Variants in EIF4EBP2 observed in about 807,000 individuals in gnomAD.
EIF4EBP2 encodes eukaryotic translation initiation factor 4E binding protein 2, also known as eukaryotic translation initiation factor 4E-binding protein 2.
EIF4EBP2 carries 5 observed loss-of-function variants against 10.3 expected under a neutral mutation model. The ratio of observed to expected loss-of-function variants is 0.48; its 90% CI spans 0.25 to 1.02. The LOEUF (loss-of-function observed/expected upper bound fraction) is 1.02, where lower values mean the gene tolerates loss of function less well. EIF4EBP2 is among the 50% of genes least tolerant of loss of function. The probability of loss-of-function intolerance (pLI) is 0.15; values close to 1 mark genes in which losing one functional copy is unlikely to be tolerated. For synonymous variants in EIF4EBP2, 67 were observed against 61.1 expected, an observed-to-expected ratio of 1.10 and a Z score of -0.45; for missense variants, 188 against 162.2, an observed-to-expected ratio of 1.16 and a Z score of -0.86.
At chr10:70,408,952 AGAAATCTTCTG>A (rs1212062042) in intron 1 of EIF4EBP2, among the ~76,000 whole-genome samples, 1 of 152,234 alleles carries the variant, frequency 6.6e-6, no homozygotes, top group Non-Finnish European at 1.5e-5. Context: ...TCAAACTTCT[AGAAATCTTCTG>A]GAGGGTCACA....
chr10:70,419,772 A>G, intron 1 of EIF4EBP2, 142 bp from the exon 2 acceptor site: 1 of 603,630 alleles, frequency 1.7e-6, no homozygotes, highest in Non-Finnish European at 2.8e-6. Context: ...ACAGGCAGAG[A>G]GGTTAGAGAT....
chr10:70,421,716 G>A lies in EIF4EBP2; in HGVS notation c.332G>A (p.Gly111Glu), dbSNP rs1205546612. The A allele has an allele frequency of 6.2e-7, 1 of 1,613,426 alleles. No homozygotes were observed. The highest frequency in any genetic ancestry group is 1.1e-5 in the South Asian group (1 of 91,052). ...TCTTCATTTTATTGGTCCTAACTAG[G>A]GGATGATGCTCAGTTCGAGATGGAC... is the stretch of plus-strand genomic sequence containing the variant. ...LNNHDRKHAV[G>E]DDAQFEMDI Residue 111 changes from glycine (G) to glutamate (E), a missense_variant and splice_region_variant, in exon 3 of 3, where the codon GGG (glycine) becomes GAG (glutamate). By Grantham distance (98) the Gly-to-Glu change is moderately conservative. Transcript: ENST00000373218.
intron 2 of EIF4EBP2, among the ~76,000 whole-genome samples, chr10:70,420,716 A>G (rs759673080): frequency 6.6e-6 from 1 of 152,218 alleles, no homozygotes; most frequent in Non-Finnish European, 1.5e-5. Flanking sequence ...CATTGGACTA[A>G]GGATAACACA....
rs1303348792 is a variant in EIF4EBP2, at chr10:70,424,305, T to C, written c.*2558T>C. 5 of 152,244 alleles carry C rather than the reference T, an allele frequency of 3.3e-5. No homozygotes were observed. Among genetic ancestry groups the C allele is most frequent in the African/African-American group, 1.2e-4 (5 of 41,474 alleles). 9.4% of individuals were successfully genotyped at this position (152,244 alleles called of 1,614,324 possible). On this transcript the variant is annotated 3_prime_UTR_variant, in exon 3 of 3. Transcript: ENST00000373218. ...AGTGTCAGCTGTATAATGCAGCAGC[T>C]GTTCAATCCCTTACCCTTCTCTGCA...
At position 70,404,412 on chromosome 10, in the gene EIF4EBP2, C is replaced by T. The variant is rs755362406; in HGVS notation, c.11C>T (p.Ser4Leu). 5.0e-6 allele frequency: 8 copies of T among 1,586,532 alleles called. No individual in the cohort carries two copies. In the African/African-American group the frequency reaches 1.1e-4, roughly 22 times the overall value. MSS[S>L]AGSGHQPSQS... is the part of the protein sequence containing the mutation. ...CCCGCGCCCACAGCCATGTCCTCGTCAGCCGGCAGCGGCCACCAGCCCAGC... is the reference window on the plus strand; with the variant it reads ...CCCGCGCCCACAGCCATGTCCTCGTTAGCCGGCAGCGGCCACCAGCCCAGC... Residue 4 changes from serine to leucine, a missense_variant, in exon 1 of 3, where the codon TCA becomes TTA. Transcript: ENST00000373218.
chr10:70,407,730 ACCC>A (rs750558076), intron 1 of EIF4EBP2, among the ~76,000 whole-genome samples: 18 of 103,348 alleles, frequency 1.7e-4, no homozygotes, highest in South Asian at 7.2e-4. Context: ...CGGGGGGCTG[ACCC>A]CCCCCCCACC....
At chr10:70,419,434 G>C (rs926071054) in intron 1 of EIF4EBP2, among the ~76,000 whole-genome samples, 2 of 152,128 alleles carry the variant, frequency 1.3e-5, no homozygotes, top group Non-Finnish European at 1.5e-5. Context: ...GCCTTTAAAA[G>C]GGGCTGTTTA....
At chr10:70,416,236 A>G (rs1845092692) in intron 1 of EIF4EBP2, among the ~76,000 whole-genome samples, 1 of 152,064 alleles carries the variant, frequency 6.6e-6, no homozygotes, top group South Asian at 2.1e-4. Flanking sequence ...AAAAATTAGA[A>G]CTCTTACACA....
At chr10:70,405,966 A>G (rs1366607079) in intron 1 of EIF4EBP2, among the ~76,000 whole-genome samples, 2 of 152,126 alleles carry the variant, frequency 1.3e-5, no homozygotes, top group Non-Finnish European at 2.9e-5. Context: ...TCCCCCCGAT[A>G]TGATCAGTTC....
At chr10:70,408,829 AGAGTC>A (rs1845011274) in intron 1 of EIF4EBP2, among the ~76,000 whole-genome samples, 3 of 152,242 alleles carry the variant, frequency 2.0e-5, no homozygotes, top group African/African-American at 4.8e-5. Flanking sequence ...CTGAAAGAGT[AGAGTC>A]AAGTGCTAAC....
intron 1 of EIF4EBP2, among the ~76,000 whole-genome samples, chr10:70,408,649 T>C (rs1187148420): frequency 6.6e-6 from 1 of 152,210 alleles, no homozygotes; most frequent in Non-Finnish European, 1.5e-5. Context: ...TCTGGCCACC[T>C]CCAGACTCCT....
intron 1 of EIF4EBP2, among the ~76,000 whole-genome samples, chr10:70,414,281 C>T (rs1845071431): frequency 1.3e-5 from 2 of 152,208 alleles, no homozygotes; most frequent in Admixed American, 6.5e-5. Context: ...TAGTGATTAA[C>T]AAGCTGATTC....
intron 1 of EIF4EBP2, among the ~76,000 whole-genome samples, chr10:70,416,220 A>G (rs946798589): frequency 2.0e-5 from 3 of 152,204 alleles, no homozygotes; most frequent in Non-Finnish European, 4.4e-5. Flanking sequence ...GTTGGCTACA[A>G]TATATAAAAA....
In EIF4EBP2 at chr10:70,424,071, T is replaced by A. The variant is rs988107867; in HGVS notation, c.*2324T>A. ...TGTGGAATTTGACCCAACTAGCAGC[T>A]AGTCAGTCTGTCAGTGAGCAGAAGA... On this transcript the variant is annotated 3_prime_UTR_variant, in exon 3 of 3. Transcript: ENST00000373218. The A allele has an allele frequency of 6.6e-6, 1 of 152,212 alleles. No homozygotes were observed. Among genetic ancestry groups the A allele is most frequent in the Non-Finnish European group, 1.5e-5 (1 of 68,024 alleles). The allele number at this position is 152,212 out of a possible 1,614,324, so 9.4% of individuals were successfully genotyped here.
chr10:70,421,776 G>T lies in EIF4EBP2; in HGVS notation c.*29G>T. ...TCCTGCAAGGATTAGAAGAAAAGCA[G>T]CAACACTGATACTTGTGTGCACCTG... On this transcript the variant is annotated 3_prime_UTR_variant, in exon 3 of 3. Transcript: ENST00000373218. 1 of 1,609,960 alleles carries T rather than the reference G, an allele frequency of 6.2e-7. No homozygotes were observed. The highest frequency in any genetic ancestry group is 1.1e-5 in the South Asian group (1 of 90,890).
intron 2 of EIF4EBP2, 116 bp from the exon 3 acceptor site, chr10:70,421,600 C>G: frequency 1.1e-6 from 1 of 902,654 alleles, no homozygotes; most frequent in Non-Finnish European, 1.7e-6. Context: ...TTTAAGGCAG[C>G]AGAGAGTGGG....
At chr10:70,412,046 T>C (rs1020268829) in intron 1 of EIF4EBP2, among the ~76,000 whole-genome samples, 4 of 152,170 alleles carry the variant, frequency 2.6e-5, no homozygotes, top group Non-Finnish European at 5.9e-5. Context: ...CCCCAGGATA[T>C]AGACTGTGAC....
In EIF4EBP2 at chr10:70,428,196, A is replaced by T. The variant is rs1845223434; in HGVS notation, c.*6449A>T. The stretch of plus-strand genomic sequence containing the variant: ...GGAGACCCTCTGCTACTCCAGGGGT[A>T]AACCTTAAAGAAGGTGTCTTGAAGA... On this transcript the variant is annotated 3_prime_UTR_variant, in exon 3 of 3. Transcript: ENST00000373218. 6.6e-6 allele frequency: 1 copy of T among 152,076 alleles called. No individual in the cohort carries two copies. Among genetic ancestry groups the T allele is most frequent in the Non-Finnish European group, 1.5e-5 (1 of 68,020 alleles). 9.4% of individuals were successfully genotyped at this position (152,076 alleles called of 1,614,324 possible).
At position 70,423,536 on chromosome 10, in the gene EIF4EBP2, G is replaced by T. The variant is rs970146744; in HGVS notation, c.*1789G>T. ...ATAGTTAAGTAGCCACTGGTGTCCT[G>T]GGAATTTCTGGTTGGATTTGGTGCC... On this transcript the variant is annotated 3_prime_UTR_variant, in exon 3 of 3. Transcript: ENST00000373218. 6.6e-6 allele frequency: 1 copy of T among 152,368 alleles called. No individual in the cohort carries two copies. Among genetic ancestry groups the T allele is most frequent in the Non-Finnish European group, 1.5e-5 (1 of 68,036 alleles). 9.4% of individuals were successfully genotyped at this position (152,368 alleles called of 1,614,324 possible).
Sources: gnomAD v4.1 joint callset for allele counts (sites outside exome capture counted in the v4.1 genomes callset) on GRCh38, gnomAD v4.1.1 for gene constraint, MANE v1.5 for transcripts, NCBI Gene and HGNC (gene_info 2026-07-23, HGNC 2026-07-21) for gene names.